The following HDAC9 variants were observed in gnomAD, a reference collection of about 807,000 sequenced individuals.
HDAC9 encodes the protein histone deacetylase 9.
HDAC9 carries 41 observed loss-of-function variants against 139.4 expected under a neutral mutation model. The ratio of observed to expected loss-of-function variants is 0.29; its 90% CI spans 0.23 to 0.38. The LOEUF is 0.38. HDAC9 is among the 10% of genes least tolerant of loss of function. The pLI is 1.00. For missense variants in HDAC9, 1,147 were observed against 1,297.0 expected (o/e 0.88, Z 1.78); for synonymous variants, 517 against 476.2 (o/e 1.09, Z -1.12).
intron 2 of HDAC9, among the ~76,000 whole-genome samples, chr7:18,278,451 G>A (rs1241734974): frequency 6.6e-6 from 1 of 152,156 alleles, no homozygotes; most frequent in Non-Finnish European, 1.5e-5. Context: ...TTTGCTGAGA[G>A]AGCAACAAAG....
At chr7:18,447,190 G>C (rs986294281) in intron 1 of HDAC9, among the ~76,000 whole-genome samples, 6 of 151,806 alleles carry the variant, frequency 4.0e-5, no homozygotes, top group African/African-American at 1.5e-4. Context: ...TCAGTGGTGT[G>C]AAAACAAAAA....
chr7:19,001,261 A>T lies in HDAC9; in HGVS notation c.*5199A>T, dbSNP rs1786734082. ...CCTGAAAGAAAACTGGAAAAGGAGA[A>T]ACTTTAAATCAGTATGTTTTGAAAG... On this transcript the variant is annotated 3_prime_UTR_variant, in exon 26 of 26. Transcript: ENST00000686413. The T allele has an allele frequency of 6.6e-6, 1 of 152,188 alleles. No homozygotes were observed. The highest frequency in any genetic ancestry group is 6.5e-5 in the Admixed American group (1 of 15,286). The allele number at this position is 152,188 out of a possible 1,614,324, so 9.4% of individuals were successfully genotyped here.
At chr7:18,255,522 G>A (rs544032973) in intron 2 of HDAC9, among the ~76,000 whole-genome samples, 8 of 152,146 alleles carry the variant, frequency 5.3e-5, no homozygotes, top group Admixed American at 1.3e-4. Flanking sequence ...TATTCAGCTC[G>A]GAAACATAGG....
At chr7:18,881,499 G>C (rs10441039) in intron 22 of HDAC9, among the ~76,000 whole-genome samples, 1 of 151,898 alleles carries the variant, frequency 6.6e-6, no homozygotes, top group Admixed American at 6.6e-5. Flanking sequence ...GCCAGAACTA[G>C]GTGTGTTTTG....
intron 1 of HDAC9, among the ~76,000 whole-genome samples, chr7:18,142,375 G>C (rs1055137822): frequency 6.6e-6 from 1 of 152,068 alleles, no homozygotes; most frequent in African/African-American, 2.4e-5. Flanking sequence ...TCATCCTTCT[G>C]TCCCCCCAGT....
chr7:18,440,218 C>G (rs367764201), intron 1 of HDAC9, among the ~76,000 whole-genome samples: 324 of 138,620 alleles, frequency 2.3e-3, no homozygotes, highest in African/African-American at 7.8e-3. Flanking sequence ...GAGTTTCACT[C>G]TTGTTGCCCA....
At chr7:18,854,261 T>G (rs1054976167) in intron 21 of HDAC9, among the ~76,000 whole-genome samples, 1 of 152,148 alleles carries the variant, frequency 6.6e-6, no homozygotes, top group Admixed American at 6.6e-5. Context: ...GAAAATGAAA[T>G]GTAAGGGTAC....
chr7:18,455,323 T>C (rs1171958811), intron 1 of HDAC9, among the ~76,000 whole-genome samples: 1 of 152,202 alleles, frequency 6.6e-6, no homozygotes, highest in African/African-American at 2.4e-5. Flanking sequence ...TGTAAACCTT[T>C]TACTGGAAAT....
chr7:18,658,256 C>G (rs904417691), intron 11 of HDAC9, among the ~76,000 whole-genome samples: 2 of 152,056 alleles, frequency 1.3e-5, no homozygotes, highest in Admixed American at 6.6e-5. Context: ...TTTCCTAAGG[C>G]CTGGCATATA....
intron 16 of HDAC9, among the ~76,000 whole-genome samples, chr7:18,781,853 A>G (rs1387553486): frequency 2.0e-5 from 3 of 152,104 alleles, no homozygotes; most frequent in Admixed American, 2.0e-4. Context: ...TAAGTTACCA[A>G]ATCAAGATGC....
At chr7:18,107,141 C>T (rs1282381453) in intron 1 of HDAC9, among the ~76,000 whole-genome samples, 2 of 152,164 alleles carry the variant, frequency 1.3e-5, no homozygotes. Context: ...TGCCCCCTCT[C>T]CCCTGCCCTG....
At chr7:18,141,127 A>G (rs532017026) in intron 1 of HDAC9, among the ~76,000 whole-genome samples, 13 of 152,314 alleles carry the variant, frequency 8.5e-5, no homozygotes, top group African/African-American at 2.4e-4. Flanking sequence ...CACAGCTTCT[A>G]TTGTTCTGTA....
At chr7:18,171,268 A>G (rs1788416355) in intron 2 of HDAC9, among the ~76,000 whole-genome samples, 1 of 152,144 alleles carries the variant, frequency 6.6e-6, no homozygotes, top group Non-Finnish European at 1.5e-5. Context: ...GTGTATAGGA[A>G]TGCTGGTGAT....
chr7:18,769,417 T>G (rs896568148), intron 16 of HDAC9, among the ~76,000 whole-genome samples: 2 of 152,064 alleles, frequency 1.3e-5, no homozygotes, highest in Non-Finnish European at 2.9e-5. Flanking sequence ...ACCTGGATGG[T>G]GGCAGCAGTG....
intron 1 of HDAC9, among the ~76,000 whole-genome samples, chr7:18,122,536 A>G (rs894968928): frequency 5.3e-5 from 8 of 152,038 alleles, no homozygotes; most frequent in Non-Finnish European, 1.0e-4. Context: ...TTTTTGATGT[A>G]TATGTTTAGT....
chr7:18,362,600 A>G (rs1182596843), intron 1 of HDAC9, among the ~76,000 whole-genome samples: 2 of 152,146 alleles, frequency 1.3e-5, no homozygotes, highest in Admixed American at 6.5e-5. Context: ...ATAAGCAAAA[A>G]TTGACCCTGG....
At chr7:18,916,924 C>A (rs896277309) in intron 22 of HDAC9, among the ~76,000 whole-genome samples, 1 of 152,004 alleles carries the variant, frequency 6.6e-6, no homozygotes, top group Non-Finnish European at 1.5e-5. Context: ...ATCTGGCCTG[C>A]AGAGCATCCC....
At chr7:18,171,632 T>C (rs1045572738) in intron 2 of HDAC9, among the ~76,000 whole-genome samples, 4 of 152,162 alleles carry the variant, frequency 2.6e-5, no homozygotes, top group South Asian at 4.1e-4. Context: ...CGATACCTAG[T>C]TTATTGAGAA....
chr7:18,771,824 G>A lies in HDAC9; in HGVS notation c.2214+4669G>A, dbSNP rs373099206. On this transcript the variant is annotated intron_variant, in intron 16 of 25. Transcript: ENST00000686413. ...ATGGACATATAGTTAAACTCAATGCGACAAAAGCTTGGTTAATAATGCATT... is the reference window on the plus strand; with the variant it reads ...ATGGACATATAGTTAAACTCAATGCAACAAAAGCTTGGTTAATAATGCATT... Among the ~76,000 whole-genome samples the A allele has an allele frequency of 1.2e-3, 188 of 152,138 alleles. 2 individuals carry two copies. In the South Asian group the frequency reaches 0.037, roughly 30 times the overall value.
Sources: gnomAD v4.1 joint callset for allele counts (sites outside exome capture counted in the v4.1 genomes callset) on GRCh38, gnomAD v4.1.1 for gene constraint, MANE v1.5 for transcripts, NCBI Gene and HGNC (gene_info 2026-07-23, HGNC 2026-07-21) for gene names.